MTR: variants seen among roughly 807,000 people sequenced by gnomAD.
MTR encodes methionine synthase.
MTR carries 84 observed loss-of-function variants against 154.8 expected under a neutral mutation model. The ratio of observed to expected loss-of-function variants is 0.54; its 90% CI spans 0.45 to 0.65. The LOEUF (loss-of-function observed/expected upper bound fraction) is 0.65, where lower values mean the gene tolerates loss of function less well. MTR is among the 30% of genes least tolerant of loss of function. MTR has a pLI of 0.00. For missense variants in MTR, 1,275 were observed against 1,570.2 expected, an observed-to-expected ratio of 0.81 and a Z score of 3.18; for synonymous variants, 554 against 553.9, an observed-to-expected ratio of 1.00 and a Z score of 0.00.
chr1:236,825,242 A>G, intron 9 of MTR, 96 bp from the exon 10 acceptor site: 1 of 767,586 alleles, frequency 1.3e-6, no homozygotes, highest in Non-Finnish European at 2.1e-6. Flanking sequence ...ATTTAATATA[A>G]ATATAAAATT....
At chr1:236,798,757 A>G (rs1376161510) in intron 1 of MTR, among the ~76,000 whole-genome samples, 1 of 152,248 alleles carries the variant, frequency 6.6e-6, no homozygotes, top group Non-Finnish European at 1.5e-5. Context: ...ACTAGTCAGT[A>G]GTTAAGTATA....
chr1:236,824,114 T>C lies in MTR; in HGVS notation c.765-5T>C, dbSNP rs1324935922. On this transcript the variant is annotated splice_region_variant and splice_polypyrimidine_tract_variant and intron_variant, in intron 8 of 32. Coordinates refer to ENST00000366577, the MANE Select transcript of MTR (RefSeq NM_000254.3). ...GCTTTTAATATGTTTTTTCTGTTTTTCTAGCATTGGATTAAATTGTGCTTT... is the reference window on the plus strand; with the variant it reads ...GCTTTTAATATGTTTTTTCTGTTTTCCTAGCATTGGATTAAATTGTGCTTT... 1 of 1,611,612 alleles carries C rather than the reference T, an allele frequency of 6.2e-7. No homozygotes were observed. The highest frequency in any genetic ancestry group is 8.5e-7 in the Non-Finnish European group (1 of 1,177,842).
In MTR at chr1:236,850,389, C is replaced by T. The variant is rs757891309; in HGVS notation, c.1561C>T (p.His521Tyr). Reference protein sequence around the residue: ...TKIRVCTRAYHLLVKKLGFNP... With the variant: ...TKIRVCTRAYYLLVKKLGFNP... ...AATCAGAGTGTGCACCCGGGCCTAC[C>T]ATCTGCTTGTGAAAAAACTGGGCTT... The change falls in exon 16 of 33, where the codon CAT becomes TAT. Residue 521 changes from histidine to tyrosine, a missense_variant. Physicochemically the swap from His to Tyr is moderately conservative, Grantham distance 83. Coordinates refer to ENST00000366577, the MANE Select transcript of MTR (RefSeq NM_000254.3). The T allele has an allele frequency of 8.1e-6, 13 of 1,613,570 alleles. No individual in the cohort carries two copies. Among genetic ancestry groups the T allele is most frequent in the Non-Finnish European group, 1.1e-5 (13 of 1,179,914 alleles).
At chr1:236,860,166 T>C (rs1664450837) in intron 19 of MTR, among the ~76,000 whole-genome samples, 2 of 144,294 alleles carry the variant, frequency 1.4e-5, no homozygotes, top group Admixed American at 7.4e-5. Flanking sequence ...ACTGGCATCC[T>C]ATGGCCAGGG....
At chr1:236,807,754 T>G (rs1661067536) in intron 3 of MTR, among the ~76,000 whole-genome samples, 1 of 152,174 alleles carries the variant, frequency 6.6e-6, no homozygotes, top group African/African-American at 2.4e-5. Context: ...GTTACTTTTG[T>G]GTCATTTTAG....
At chr1:236,853,220 A>G in intron 18 of MTR, 132 bp downstream of exon 18, 1 of 1,151,618 alleles carries the variant, frequency 8.7e-7, no homozygotes, top group Non-Finnish European at 1.3e-6. Context: ...GAAGATTTCT[A>G]CAGAGAGTTG....
chr1:236,865,121 T>A (rs1488638249), intron 22 of MTR, among the ~76,000 whole-genome samples: 1 of 152,250 alleles, frequency 6.6e-6, no homozygotes, highest in African/African-American at 2.4e-5. Context: ...AGGGTGCTAC[T>A]GGAACTGAAT....
At chr1:236,880,552 C>G (rs1330578396) in intron 24 of MTR, among the ~76,000 whole-genome samples, 1 of 152,170 alleles carries the variant, frequency 6.6e-6, no homozygotes. Context: ...AGAGCCTGGG[C>G]TAGGTTTCCC....
chr1:236,901,909 T>G lies in MTR; in HGVS notation c.*4265T>G, dbSNP rs1295887706. ...TCTTTTTCTCAACCTTCACATCCAG[T>G]TGGTTCTCAAGCCCTGGCGATTTTA... On this transcript the variant is annotated 3_prime_UTR_variant, in exon 33 of 33. Transcript: ENST00000366577. 2 of 152,236 alleles carry G rather than the reference T, an allele frequency of 1.3e-5. No individual in the cohort carries two copies. The highest frequency in any genetic ancestry group is 4.8e-5 in the African/African-American group (2 of 41,422). 9.4% of individuals were successfully genotyped at this position (152,236 alleles called of 1,614,324 possible).
intron 22 of MTR, among the ~76,000 whole-genome samples, chr1:236,869,463 A>G (rs912946007): frequency 1.3e-5 from 2 of 152,204 alleles, no homozygotes; most frequent in Admixed American, 1.3e-4. Context: ...CTCTTAAAGC[A>G]CTGGGTTTAC....
At chr1:236,824,400 C>T (rs1016674737) in intron 9 of MTR, among the ~76,000 whole-genome samples, 181 bp downstream of exon 9, 14 of 152,172 alleles carry the variant, frequency 9.2e-5, no homozygotes, top group African/African-American at 3.4e-4. Context: ...GTTCGGCTCA[C>T]CCTGAAGCTT....
chr1:236,854,621 A>G (rs959106863), intron 18 of MTR, among the ~76,000 whole-genome samples: 1 of 152,198 alleles, frequency 6.6e-6, no homozygotes, highest in Non-Finnish European at 1.5e-5. Context: ...CCATGAAGTC[A>G]TACTAGACAG....
intron 22 of MTR, among the ~76,000 whole-genome samples, chr1:236,864,513 AT>A (rs1664723945): frequency 6.6e-6 from 1 of 152,056 alleles, no homozygotes; most frequent in Non-Finnish European, 1.5e-5. Context: ...AAGCATTTCT[AT>A]TTACCTGCTC....
intron 13 of MTR, 145 bp downstream of exon 13, chr1:236,832,223 A>T (rs1662654890): frequency 1.3e-6 from 1 of 758,878 alleles, no homozygotes; most frequent in African/African-American, 1.7e-5. Flanking sequence ...TTTGCAGCAG[A>T]CTGGGCTGGT....
intron 8 of MTR, among the ~76,000 whole-genome samples, chr1:236,819,346 A>C (rs910457379): frequency 5.3e-5 from 8 of 152,230 alleles, no homozygotes; most frequent in African/African-American, 1.9e-4. Context: ...AGTTGAGACC[A>C]CATAGTATGT....
chr1:236,812,603 CA>C, intron 5 of MTR, 134 bp from the exon 6 acceptor site: 2 of 763,972 alleles, frequency 2.6e-6, no homozygotes, highest in Non-Finnish European at 4.6e-6. Context: ...TGGTTTCTTA[CA>C]AAAGATCATG....
chr1:236,894,097 GA>G (rs1211452246), intron 29 of MTR, among the ~76,000 whole-genome samples: 1 of 151,952 alleles, frequency 6.6e-6, no homozygotes, highest in Admixed American at 6.6e-5. Flanking sequence ...CTGGTGTCTT[GA>G]CAATTTATGT....
chr1:236,824,196 A>G lies in MTR; in HGVS notation c.842A>G (p.Tyr281Cys), dbSNP rs750383628. The G allele has an allele frequency of 5.3e-5, 86 of 1,613,886 alleles. No individual in the cohort carries two copies. Among genetic ancestry groups the G allele is most frequent in the Non-Finnish European group, 6.8e-5 (80 of 1,179,902 alleles). ...IEIIGKCTTAYVLCYPNAGLP... is the reference protein window; with the variant it reads ...IEIIGKCTTACVLCYPNAGLP... ...ATAATTGGAAAATGTACAACAGCCT[A>G]TGTCCTCTGTTATCCCAATGCAGGT... is the stretch of plus-strand genomic sequence containing the variant. The change falls in exon 9 of 33, where the codon TAT becomes TGT. Residue 281 changes from tyrosine (Y) to cysteine (C), a missense_variant. By Grantham distance (194) the Tyr-to-Cys change is radical. Coordinates refer to ENST00000366577, the MANE Select transcript of MTR (RefSeq NM_000254.3).
At chr1:236,830,511 A>G (rs998596700) in intron 12 of MTR, among the ~76,000 whole-genome samples, 3 of 152,236 alleles carry the variant, frequency 2.0e-5, no homozygotes, top group African/African-American at 7.2e-5. Context: ...ACCTTCCATC[A>G]GATTTTAAAA....
Sources: allele counts gnomAD v4.1 joint callset (sites outside exome capture counted in the v4.1 genomes callset), GRCh38; gene constraint gnomAD v4.1.1; transcripts MANE v1.5; gene names NCBI Gene and HGNC (gene_info 2026-07-23, HGNC 2026-07-21).